Variants in ANK3 observed in about 807,000 individuals in gnomAD.
ANK3 encodes ankyrin-3.
In ANK3, 57 loss-of-function variants were observed where a neutral mutation model predicts 370.9. The ratio of observed to expected loss-of-function variants is 0.15; its 90% CI spans 0.12 to 0.19. ANK3 has a LOEUF of 0.19. ANK3 is among the 10% of genes least tolerant of loss of function. ANK3 has a pLI of 1.00. For missense variants in ANK3, 4,439 were observed against 5,302.1 expected (o/e 0.84, Z 5.06); for synonymous variants, 1,929 against 1,946.3 (o/e 0.99, Z 0.23).
intron 40 of ANK3, among the ~76,000 whole-genome samples, chr10:60,061,591 C>T (rs2080475911): frequency 6.6e-6 from 1 of 151,988 alleles, no homozygotes; most frequent in African/African-American, 2.4e-5. Flanking sequence ...TAATATATGG[C>T]CTTGCATATA....
chr10:60,341,869 T>C (rs961718301), intron 1 of ANK3, among the ~76,000 whole-genome samples: 1 of 152,176 alleles, frequency 6.6e-6, no homozygotes, highest in African/African-American at 2.4e-5. Context: ...TTTTTTGTTA[T>C]AATATCATAT....
chr10:60,614,689 G>A (rs1812574117), intron 2 of ANK3, among the ~76,000 whole-genome samples: 1 of 152,182 alleles, frequency 6.6e-6, no homozygotes, highest in South Asian at 2.1e-4. Flanking sequence ...CATAGCTAAA[G>A]CTCTTTCACT....
intron 2 of ANK3, among the ~76,000 whole-genome samples, chr10:60,607,945 G>A (rs2078150234): frequency 6.6e-6 from 1 of 152,126 alleles, no homozygotes; most frequent in African/African-American, 2.4e-5. Flanking sequence ...CCCTGAGAGT[G>A]ACCAGCTGGG....
At chr10:60,545,121 T>C (rs886224349) in intron 2 of ANK3, among the ~76,000 whole-genome samples, 22 of 114,860 alleles carry the variant, frequency 1.9e-4, no homozygotes, top group African/African-American at 7.8e-4. Flanking sequence ...CGAACAGTGA[T>C]GATGCTAGGG....
intron 18 of ANK3, among the ~76,000 whole-genome samples, chr10:60,176,225 C>T (rs546245661): frequency 2.7e-5 from 4 of 149,702 alleles, no homozygotes; most frequent in East Asian, 2.0e-4. Flanking sequence ...ATTAGCCGGG[C>T]GTGGTGGCAT....
intron 2 of ANK3, among the ~76,000 whole-genome samples, chr10:60,588,690 A>G (rs1051566653): frequency 6.6e-6 from 1 of 151,910 alleles, no homozygotes; most frequent in East Asian, 1.9e-4. Flanking sequence ...GGAGGCCAAG[A>G]CAGCCCAGGA....
At chr10:60,283,071 T>C (rs1258777297) in intron 1 of ANK3, among the ~76,000 whole-genome samples, 1 of 152,200 alleles carries the variant, frequency 6.6e-6, no homozygotes, top group African/African-American at 2.4e-5. Context: ...ACAAAATAAA[T>C]GTGGCACAAA....
intron 23 of ANK3, among the ~76,000 whole-genome samples, chr10:60,157,706 A>G (rs912202058): frequency 1.3e-5 from 2 of 152,024 alleles, no homozygotes; most frequent in African/African-American, 4.8e-5. Flanking sequence ...AGAATGGATC[A>G]AGCAGAAGAA....
chr10:60,449,518 A>G (rs561728444), intron 2 of ANK3, among the ~76,000 whole-genome samples: 5 of 152,340 alleles, frequency 3.3e-5, no homozygotes, highest in African/African-American at 1.2e-4. Context: ...AAGTATTCAC[A>G]TAGTACCATT....
chr10:60,278,997 T>C, intron 3 of ANK3, 53 bp downstream of exon 3: 1 of 1,583,916 alleles, frequency 6.3e-7, no homozygotes. Context: ...GAGGGCTGAA[T>C]CCTCACAGAA....
intron 1 of ANK3, among the ~76,000 whole-genome samples, chr10:60,702,639 T>C (rs1282365655): frequency 1.3e-5 from 2 of 152,172 alleles, no homozygotes; most frequent in East Asian, 3.9e-4. Flanking sequence ...TACCAAAAGA[T>C]AAGCAAATAG....
chr10:60,683,165 A>C (rs1443844642), intron 1 of ANK3, among the ~76,000 whole-genome samples: 1 of 152,196 alleles, frequency 6.6e-6, no homozygotes, highest in African/African-American at 2.4e-5. Context: ...TGGGGGTCTG[A>C]GAGCAGAGAA....
At chr10:60,652,960 T>A (rs548112028) in intron 1 of ANK3, among the ~76,000 whole-genome samples, 1 of 152,242 alleles carries the variant, frequency 6.6e-6, no homozygotes, top group East Asian at 1.9e-4. Flanking sequence ...CCTCTCCTGA[T>A]GTGTTTATTT....
intron 31 of ANK3, 67 bp downstream of exon 31, chr10:60,085,090 T>G (rs748781749): frequency 3.3e-5 from 44 of 1,344,734 alleles, no homozygotes; most frequent in Non-Finnish European, 4.3e-5. Flanking sequence ...AACACAACAA[T>G]TTTTACTTTC....
chr10:60,055,457 A>G (rs983240348), intron 42 of ANK3, among the ~76,000 whole-genome samples: 8 of 151,778 alleles, frequency 5.3e-5, no homozygotes, highest in Non-Finnish European at 1.2e-4. Flanking sequence ...AATGGCATAC[A>G]TTTTACTTGG....
intron 1 of ANK3, among the ~76,000 whole-genome samples, chr10:60,295,850 T>G (rs2042387788): frequency 6.6e-6 from 1 of 152,188 alleles, no homozygotes; most frequent in African/African-American, 2.4e-5. Flanking sequence ...ATAACGGTAT[T>G]TTCCAAAACA....
At chr10:60,656,377 TAA>T (rs2078863978) in intron 1 of ANK3, among the ~76,000 whole-genome samples, 4 of 152,186 alleles carry the variant, frequency 2.6e-5, no homozygotes, top group African/African-American at 7.2e-5. Context: ...GTGAAAATGG[TAA>T]TCTGTGTCCT....
intron 2 of ANK3, among the ~76,000 whole-genome samples, chr10:60,469,889 GC>G (rs1471629746): frequency 6.6e-6 from 1 of 151,480 alleles, no homozygotes; most frequent in African/African-American, 2.4e-5. Context: ...AATTGACTGT[GC>G]CTCACATATG....
intron 7 of ANK3, among the ~76,000 whole-genome samples, chr10:60,249,388 A>G (rs1353209672): frequency 6.6e-6 from 1 of 152,220 alleles, no homozygotes; most frequent in African/African-American, 2.4e-5. Context: ...TAAAAAAGTA[A>G]TGGGGATTTA....
Sources: gnomAD v4.1 joint callset for allele counts (sites outside exome capture counted in the v4.1 genomes callset) on GRCh38, gnomAD v4.1.1 for gene constraint, MANE v1.5 for transcripts, NCBI Gene and HGNC (gene_info 2026-07-23, HGNC 2026-07-21) for gene names.